Variants in CDH3 observed in about 807,000 individuals in gnomAD.
CDH3 encodes cadherin-3.
A neutral mutation model predicts 82.0 loss-of-function variants in CDH3; 54 were observed. The observed-to-expected ratio is 0.66, with a 90% confidence interval of 0.53 to 0.83. The LOEUF (loss-of-function observed/expected upper bound fraction) is 0.83. Among genes scored for constraint, CDH3 ranks in the 40% least tolerant of loss-of-function variants. The pLI is 0.00. For synonymous variants in CDH3, 446 were observed against 437.9 expected (o/e 1.02, Z -0.23); for missense variants, 1,054 against 1,084.6 (o/e 0.97, Z 0.40).
At chr16:68,692,580 G>A (rs914902725) in intron 13 of CDH3, among the ~76,000 whole-genome samples, 1 of 152,180 alleles carries the variant, frequency 6.6e-6, no homozygotes, top group African/African-American at 2.4e-5. Flanking sequence ...TACTGATTCA[G>A]AAATTTAGGA....
downstream of CDH3, among the ~76,000 whole-genome samples, chr16:68,727,736 C>T (rs1415713295): frequency 6.6e-6 from 1 of 151,970 alleles, no homozygotes; most frequent in African/African-American, 2.4e-5. Context: ...TGGTGAAACC[C>T]CATCTGTACT....
At chr16:68,692,490 A>G (rs1961605759) in intron 13 of CDH3, among the ~76,000 whole-genome samples, 1 of 152,186 alleles carries the variant, frequency 6.6e-6, no homozygotes, top group Admixed American at 6.6e-5. Flanking sequence ...TGGTTCTGAA[A>G]GGGTGGTTTC....
intron 2 of CDH3, among the ~76,000 whole-genome samples, chr16:68,665,879 A>G (rs1033349274): frequency 2.6e-5 from 4 of 152,168 alleles, no homozygotes; most frequent in Non-Finnish European, 5.9e-5. Context: ...CCTCAACGAC[A>G]TGGGGTTGCC....
At chr16:68,663,426 G>A (rs994425623) in intron 2 of CDH3, among the ~76,000 whole-genome samples, 1 of 150,656 alleles carries the variant, frequency 6.6e-6, no homozygotes, top group African/African-American at 2.4e-5. Flanking sequence ...AGTAGAGACG[G>A]TGTTTCACCA....
intron 1 of CDH3, among the ~76,000 whole-genome samples, chr16:68,708,375 C>G (rs1196413191): frequency 6.7e-6 from 1 of 148,626 alleles, no homozygotes; most frequent in Non-Finnish European, 1.5e-5. Flanking sequence ...TAAGCAGTTA[C>G]CATGTGCCAG....
downstream of CDH3, among the ~76,000 whole-genome samples, chr16:68,704,966 G>C (rs1961942748): frequency 6.6e-6 from 1 of 152,184 alleles, no homozygotes; most frequent in African/African-American, 2.4e-5. Context: ...GGGAGGCTGA[G>C]GAGGAGGATC....
At chr16:68,656,456 G>T (rs1037841147) in intron 2 of CDH3, among the ~76,000 whole-genome samples, 6 of 152,126 alleles carry the variant, frequency 3.9e-5, no homozygotes, top group African/African-American at 1.4e-4. Flanking sequence ...CCACCACCCA[G>T]ATACCACCTA....
At chr16:68,651,183 G>T in intron 2 of CDH3, 1 of 494,410 alleles carries the variant, frequency 2.0e-6, no homozygotes, top group South Asian at 1.6e-5. Flanking sequence ...AGACCTGGCT[G>T]CTCTGGTTAG....
chr16:68,695,276 T>G lies in CDH3; in HGVS notation c.2024T>G (p.Leu675Trp), dbSNP rs1961684357. Residue 675 changes from leucine to tryptophan, a missense_variant, in exon 14 of 16, where the codon TTG (leucine) becomes TGG (tryptophan). Transcript: ENST00000264012. ...GCAGTCCTCCTGCTGGTGCTGCTTT[T>G]GTTGGTGAGAAAGAAGCGGAAGATC... ...ALLFLLLVLL[L>W]LVRKKRKIKE... 1 of 1,614,088 alleles carries G rather than the reference T, an allele frequency of 6.2e-7. No individual in the cohort carries two copies. Among genetic ancestry groups the G allele is most frequent in the Non-Finnish European group, 8.5e-7 (1 of 1,180,014 alleles).
chr16:68,680,104 A>ATGGCCACTGCTGGAGC (rs1212372953), intron 7 of CDH3, 130 bp downstream of exon 7: 20 of 862,976 alleles, frequency 2.3e-5, no homozygotes, highest in Non-Finnish European at 3.6e-5. Context: ...GTCAGCTGGG[A>ATGGCCACTGCTGGAGC]TGGCCACTGC....
At chr16:68,670,087 G>T (rs1309807629) in intron 2 of CDH3, among the ~76,000 whole-genome samples, 1 of 151,990 alleles carries the variant, frequency 6.6e-6, no homozygotes. Flanking sequence ...AGCCGGGCCT[G>T]GTGGCGGGCG....
chr16:68,731,491 C>CAT (rs1423319391), downstream of CDH3, among the ~76,000 whole-genome samples: 1 of 35,296 alleles, frequency 2.8e-5, no homozygotes. Context: ...CGTATATACA[C>CAT]ATATATATAT....
chr16:68,684,622 G>A lies in CDH3; in HGVS notation c.1222G>A (p.Val408Ile), dbSNP rs145486898. 221 of 1,614,154 alleles carry A rather than the reference G, an allele frequency of 1.4e-4. No individual in the cohort carries two copies. Among genetic ancestry groups the A allele is most frequent in the Admixed American group, 8.8e-4 (53 of 60,020 alleles). ...GGCCAAAAACCAGCACACCCTGTAC[G>A]TTGAAGTGACCAACGAGGCCCCTTT... ...FEAKNQHTLY[V>I]EVTNEAPFVL... The change falls in exon 10 of 16, where the codon GTT becomes ATT. Residue 408 changes from valine (V) to isoleucine (I), a missense_variant. Val to Ile is a conservative substitution (Grantham distance 29). Transcript: ENST00000264012.
intron 1 of CDH3, among the ~76,000 whole-genome samples, chr16:68,708,623 TTTTC>T (rs998203507): frequency 5.9e-5 from 9 of 151,586 alleles, no homozygotes; most frequent in South Asian, 2.1e-4. Flanking sequence ...CTTTCTTTTC[TTTTC>T]TTTCTTTCTT....
chr16:68,673,370 A>T (rs1456233551), intron 2 of CDH3, among the ~76,000 whole-genome samples: 2 of 152,084 alleles, frequency 1.3e-5, no homozygotes, highest in African/African-American at 4.8e-5. Context: ...GCCATTATCT[A>T]TCTCCCGAAC....
downstream of CDH3, among the ~76,000 whole-genome samples, chr16:68,703,768 G>A (rs1003602342): frequency 3.3e-5 from 5 of 151,776 alleles, no homozygotes; most frequent in Middle Eastern, 6.3e-3. Flanking sequence ...CCAACATGGC[G>A]AAACCCCATC....
chr16:68,701,320 C>A (rs1263312432), downstream of CDH3, among the ~76,000 whole-genome samples: 2 of 152,082 alleles, frequency 1.3e-5, no homozygotes, highest in African/African-American at 2.4e-5. Context: ...TCTGGGCCTG[C>A]TTCTCATCTG....
At chr16:68,681,844 A>G (rs1961238450) in intron 8 of CDH3, among the ~76,000 whole-genome samples, 2 of 152,166 alleles carry the variant, frequency 1.3e-5, no homozygotes, top group South Asian at 4.1e-4. Context: ...TAAAAAAATA[A>G]AATAAAAATA....
downstream of CDH3, among the ~76,000 whole-genome samples, chr16:68,730,030 C>T (rs528505226): frequency 2.0e-5 from 3 of 150,258 alleles, no homozygotes; most frequent in South Asian, 4.2e-4. Context: ...GTCAGGAGTT[C>T]GAGACCAGCC....
Sources: allele counts gnomAD v4.1 joint callset (sites outside exome capture counted in the v4.1 genomes callset), GRCh38; gene constraint gnomAD v4.1.1; transcripts MANE v1.5; gene names NCBI Gene and HGNC (gene_info 2026-07-23, HGNC 2026-07-21).